Variants in DGKB observed in about 807,000 individuals in gnomAD.
DGKB encodes the protein 90 kDa diacylglycerol kinase.
A neutral mutation model predicts 114.3 loss-of-function variants in DGKB; 67 were observed. The ratio of observed to expected loss-of-function variants is 0.59; its 90% CI spans 0.48 to 0.72. DGKB has a LOEUF of 0.72. Among genes scored for constraint, DGKB ranks in the 30% least tolerant of loss-of-function variants. DGKB has a pLI of 0.00. For missense variants in DGKB, 907 were observed against 975.2 expected (o/e 0.93, Z 0.93); for synonymous variants, 398 against 323.1 (o/e 1.23, Z -2.49).
At chr7:14,863,033 G>A (rs955641584) in intron 1 of DGKB, among the ~76,000 whole-genome samples, 3 of 151,882 alleles carry the variant, frequency 2.0e-5, no homozygotes, top group African/African-American at 4.8e-5. Flanking sequence ...AAAAAGTCAG[G>A]AAATGTAAAT....
intron 2 of DGKB, among the ~76,000 whole-genome samples, chr7:14,770,800 C>A (rs1837295575): frequency 6.6e-6 from 1 of 151,944 alleles, no homozygotes; most frequent in Non-Finnish European, 1.5e-5. Flanking sequence ...AACAGACAGG[C>A]CTCCATGACA....
intron 23 of DGKB, among the ~76,000 whole-genome samples, chr7:14,285,778 A>G (rs1304326103): frequency 6.6e-6 from 1 of 152,136 alleles, no homozygotes; most frequent in Non-Finnish European, 1.5e-5. Context: ...AGAAACAAAG[A>G]ACACAGTTAT....
intron 13 of DGKB, among the ~76,000 whole-genome samples, chr7:14,635,357 C>T (rs927536307): frequency 2.2e-5 from 2 of 90,514 alleles, no homozygotes; most frequent in African/African-American, 1.1e-4. Flanking sequence ...ATTAGAGACA[C>T]AGAAGAAATT....
intron 25 of DGKB, among the ~76,000 whole-genome samples, chr7:14,174,209 G>T (rs1274705319): frequency 6.6e-6 from 1 of 152,156 alleles, no homozygotes; most frequent in Non-Finnish European, 1.5e-5. Flanking sequence ...CAGAGATGAA[G>T]CGTGCAGATG....
intron 5 of DGKB, among the ~76,000 whole-genome samples, chr7:14,719,711 T>C (rs1199212876): frequency 1.3e-5 from 2 of 152,162 alleles, no homozygotes; most frequent in East Asian, 3.8e-4. Context: ...TGAATACCTA[T>C]CACCTCGTCA....
intron 6 of DGKB, among the ~76,000 whole-genome samples, chr7:14,710,894 T>G (rs1410011010): frequency 6.6e-6 from 1 of 152,066 alleles, no homozygotes; most frequent in Non-Finnish European, 1.5e-5. Context: ...CATATATAAC[T>G]GTACTTGATT....
At chr7:14,848,765 A>T (rs1051322674) in intron 1 of DGKB, among the ~76,000 whole-genome samples, 7 of 152,266 alleles carry the variant, frequency 4.6e-5, no homozygotes, top group African/African-American at 1.7e-4. Context: ...ATGTATTAGG[A>T]CCATGATATT....
chr7:14,871,679 G>A (rs1230584589), intron 1 of DGKB, among the ~76,000 whole-genome samples: 1 of 152,058 alleles, frequency 6.6e-6, no homozygotes, highest in African/African-American at 2.4e-5. Context: ...AATATATTAG[G>A]AACACGCAGC....
intron 2 of DGKB, among the ~76,000 whole-genome samples, chr7:14,830,248 G>A (rs1349364486): frequency 6.6e-6 from 1 of 152,000 alleles, no homozygotes; most frequent in Admixed American, 6.6e-5. Context: ...CATATCCTAT[G>A]AATAATCAGA....
intron 15 of DGKB, among the ~76,000 whole-genome samples, chr7:14,620,214 T>C (rs368187589): frequency 1.3e-5 from 2 of 151,456 alleles, no homozygotes; most frequent in South Asian, 4.1e-4. Context: ...TTCTGTTCTC[T>C]AATATATAAT....
At chr7:14,486,864 A>C (rs554151457) in intron 20 of DGKB, among the ~76,000 whole-genome samples, 7 of 152,346 alleles carry the variant, frequency 4.6e-5, no homozygotes, top group Admixed American at 1.3e-4. Flanking sequence ...ATCAGTATAA[A>C]TTGTTTTATA....
intron 1 of DGKB, among the ~76,000 whole-genome samples, chr7:14,894,707 C>A (rs1178597902): frequency 6.6e-6 from 1 of 151,356 alleles, no homozygotes; most frequent in Non-Finnish European, 1.5e-5. Flanking sequence ...TATGCAGGTA[C>A]CTTGGACAAA....
intron 21 of DGKB, among the ~76,000 whole-genome samples, chr7:14,418,526 C>G (rs1826152811): frequency 6.6e-6 from 1 of 151,206 alleles, no homozygotes; most frequent in African/African-American, 2.4e-5. Flanking sequence ...AGTAACTATC[C>G]TACAAATGTT....
At chr7:14,837,615 A>C (rs1847334131) in intron 2 of DGKB, among the ~76,000 whole-genome samples, 1 of 152,224 alleles carries the variant, frequency 6.6e-6, no homozygotes. Context: ...AATCAAACTC[A>C]AGAAAGTGAA....
intron 17 of DGKB, among the ~76,000 whole-genome samples, chr7:14,598,060 T>A (rs748617533): frequency 2.4e-4 from 37 of 152,164 alleles, no homozygotes; most frequent in Non-Finnish European, 5.0e-4. Flanking sequence ...AATTATTGTA[T>A]CAGTAGTGCT....
chr7:14,737,287 T>A (rs887317096), intron 4 of DGKB, among the ~76,000 whole-genome samples: 11 of 141,160 alleles, frequency 7.8e-5, no homozygotes, highest in Admixed American at 4.9e-4. Flanking sequence ...AGGCCAATTT[T>A]TTTTTTTTTT....
chr7:14,621,587 T>G, intron 14 of DGKB, 93 bp from the exon 15 acceptor site: 1 of 728,542 alleles, frequency 1.4e-6, no homozygotes, highest in Non-Finnish European at 2.2e-6. Context: ...GTTTCATGGT[T>G]ACAAACACAG....
At chr7:14,625,553 A>G (rs1448668645) in intron 14 of DGKB, among the ~76,000 whole-genome samples, 1 of 152,212 alleles carries the variant, frequency 6.6e-6, no homozygotes, top group Non-Finnish European at 1.5e-5. Context: ...CTTAGGTTGC[A>G]CAATCATTCA....
At chr7:14,567,141 A>T (rs978788147) in intron 20 of DGKB, among the ~76,000 whole-genome samples, 3 of 106,864 alleles carry the variant, frequency 2.8e-5, no homozygotes, top group Admixed American at 1.6e-4. Flanking sequence ...TTATATGTTT[A>T]TATATATAAT....
Sources: allele counts gnomAD v4.1 joint callset (sites outside exome capture counted in the v4.1 genomes callset), GRCh38; gene constraint gnomAD v4.1.1; transcripts MANE v1.5; gene names NCBI Gene and HGNC (gene_info 2026-07-23, HGNC 2026-07-21).